The following MVK variants were observed in gnomAD, a reference collection of about 807,000 sequenced individuals.
The protein encoded by MVK is mevalonate kinase.
Under a neutral mutation model 43.2 loss-of-function variants are expected in MVK, and 34 were observed. The observed-to-expected ratio is 0.79, with a 90% CI of 0.60 to 1.05. MVK has a LOEUF of 1.05. Ranked by LOEUF, MVK falls within the 50% of genes least tolerant of loss-of-function variation. The pLI is 0.00. For synonymous variants in MVK, 190 were observed against 219.8 expected (o/e 0.86, Z 1.20); for missense variants, 395 against 504.0 (o/e 0.78, Z 2.07).
chr12:109,573,698 G>T, upstream of MVK: 1 of 635,460 alleles, frequency 1.6e-6, no homozygotes, highest in South Asian at 1.8e-5. Flanking sequence ...AACACCTATT[G>T]ACCAATGTTC....
rs747116992 is a variant in MVK, at chr12:109,581,472, C to G, written c.449C>G (p.Ser150Trp). The G allele has an allele frequency of 6.2e-7, 1 of 1,614,204 alleles. No individual in the cohort carries two copies. The highest frequency in any genetic ancestry group is 8.5e-7 in the Non-Finnish European group (1 of 1,180,026). The change falls in exon 5 of 11, where the codon TCG becomes TGG. Residue 150 changes from serine (S) to tryptophan (W), a missense_variant. Ser to Trp is a radical substitution (Grantham distance 177). Coordinates refer to ENST00000228510, the MANE Select transcript of MVK (RefSeq NM_000431.4). ...GAGLGSSAAY[S>W]VCLAAALLTV... ...GGCTTGGGCTCCAGCGCCGCCTACT[C>G]GGTGTGTCTGGCAGCAGCCCTCCTG... is the stretch of plus-strand genomic sequence containing the variant.
At chr12:109,581,247 T>C (rs868364331) in intron 4 of MVK, 148 bp from the exon 5 acceptor site, 12 of 957,388 alleles carry the variant, frequency 1.3e-5, no homozygotes, top group African/African-American at 6.4e-5. Context: ...TGATGTTCAA[T>C]AGGGATACAT....
intron 3 of MVK, 97 bp downstream of exon 3, chr12:109,576,242 C>A: frequency 6.6e-7 from 1 of 1,513,736 alleles, no homozygotes; most frequent in Non-Finnish European, 9.1e-7. Flanking sequence ...CAGGGGCCAG[C>A]TATTTCCCGG....
Position 109,595,124 on chromosome 12 carries a change from C to T in MVK, c.982C>T (p.His328Tyr), listed in dbSNP as rs1403617174. Residue 328 changes from histidine (H) to tyrosine (Y), a missense_variant, in exon 10 of 11, where the codon CAC becomes TAC. By Grantham distance (83) the His-to-Tyr change is moderately conservative. Coordinates refer to ENST00000228510, the MANE Select transcript of MVK (RefSeq NM_000431.4). The surrounding 1 kb of genome is among the most constrained non-coding windows in gnomAD (Gnocchi z 5.9). ...CCAGGTGACCAGGGCCCGCGGACTT[C>T]ACAGCAAGCTGACTGGCGCAGGCGG... ...LCQVTRARGL[H>Y]SKLTGAGGGG... 1 of 1,614,184 alleles carries T rather than the reference C, an allele frequency of 6.2e-7. No homozygotes were observed. The highest frequency in any genetic ancestry group is 2.2e-5 in the East Asian group (1 of 44,854).
chr12:109,596,984 G>C lies in MVK; in HGVS notation c.*407G>C. ...CCTTCTCTCTCCCTTTTCAGGGACC[G>C]CCCCCTGTCTCTCAGGGCCAGGCCT... On this transcript the variant is annotated 3_prime_UTR_variant, in exon 11 of 11. Coordinates refer to ENST00000228510, the MANE Select transcript of MVK (RefSeq NM_000431.4). 3.5e-6 allele frequency: 1 copy of C among 285,472 alleles called. No individual in the cohort carries two copies. Among genetic ancestry groups the C allele is most frequent in the South Asian group, 3.4e-5 (1 of 29,406 alleles). The allele number at this position is 285,472 out of a possible 1,614,324, so 17.7% of individuals were successfully genotyped here. A position where few individuals can be genotyped will look rare whatever the true frequency, so the allele number is the denominator to read the frequency against.
Position 109,595,589 on chromosome 12 carries a change from C to T in MVK, c.1039+408C>T, listed in dbSNP as rs770085782. On this transcript the variant is annotated intron_variant, in intron 10 of 10. Transcript: ENST00000228510. The surrounding 1 kb of genome is among the most constrained non-coding windows in gnomAD (Gnocchi z 5.9). ...CTACAAAACGAAAGGGTTTCCTTCC[C>T]GTTGGTTTGGGGAAAGAGGAAGACC... 1.2e-4 allele frequency among the ~76,000 whole-genome samples: 19 copies of T among 152,238 alleles called. 1 individual carries two copies. The highest frequency in any genetic ancestry group is 3.4e-3 in the Middle Eastern group (1 of 294).
intron 3 of MVK, among the ~76,000 whole-genome samples, chr12:109,577,489 T>C (rs1230707838): frequency 6.6e-6 from 1 of 152,224 alleles, no homozygotes; most frequent in East Asian, 1.9e-4. Context: ...CTCATTTCAC[T>C]TGTTGAGATG....
Position 109,576,046 on chromosome 12 carries a change from C to T in MVK, c.127C>T (p.Pro43Ser), listed in dbSNP as rs559928398. 1.2e-6 allele frequency: 2 copies of T among 1,614,178 alleles called. No individual in the cohort carries two copies. The highest frequency in any genetic ancestry group is 1.3e-5 in the African/African-American group (1 of 75,066). The change falls in exon 3 of 11, where the codon CCC becomes TCC. Residue 43 changes from proline to serine, a missense_variant. Physicochemically the swap from Pro to Ser is moderately conservative, Grantham distance 74 (BLOSUM62 -1). Transcript: ENST00000228510. ...LNLRTFLRLQ[P>S]HSNGKVDLSL... ...CTTGAGAACATTCCTCCGGCTTCAA[C>T]CCCACAGCAATGGGAAAGTGGACCT...
rs762282184 is a variant in MVK at position 109,581,416 on chromosome 12, C to T, written c.393C>T (p.Ile131=). Residue 131 remains isoleucine, a synonymous_variant, in exon 5 of 11, where the codon ATC becomes ATT. Coordinates refer to ENST00000228510, the MANE Select transcript of MVK (RefSeq NM_000431.4). ...RKQRALPSLD[I]VVWSELPPGA... is the part of the protein sequence containing the mutation. ...TCAGGGCCCTGCCGAGCCTGGATAT[C>T]GTAGTGTGGTCGGAGCTGCCCCCCG... The T allele has an allele frequency of 1.9e-6, 3 of 1,614,092 alleles. No individual in the cohort carries two copies. The highest frequency in any genetic ancestry group is 2.5e-6 in the Non-Finnish European group (3 of 1,180,016).
intron 7 of MVK, chr12:109,590,496 G>A (rs564316474): frequency 4.0e-6 from 2 of 501,372 alleles, no homozygotes; most frequent in African/African-American, 3.9e-5. Context: ...CCGGCCCCAA[G>A]GCCACGCTGT....
At position 109,596,551 on chromosome 12, in the gene MVK, G is replaced by A. The variant is rs1484435087; in HGVS notation, c.1165G>A (p.Val389Ile). ...IHSATSLDSRVQQALDGL is the reference protein window; with the variant it reads ...IHSATSLDSRIQQALDGL ...CTCAGCCACCTCCCTGGACAGCCGA[G>A]TCCAGCAAGCCCTGGATGGCCTCTG... Residue 389 changes from valine (V) to isoleucine (I), a missense_variant, in exon 11 of 11, where the codon GTC becomes ATC. Val to Ile is a conservative substitution (Grantham distance 29). Coordinates refer to ENST00000228510, the MANE Select transcript of MVK (RefSeq NM_000431.4). 1 of 1,611,394 alleles carries A rather than the reference G, an allele frequency of 6.2e-7. No homozygotes were observed. The highest frequency in any genetic ancestry group is 2.2e-5 in the East Asian group (1 of 44,886).
chr12:109,587,656 A>G (rs1269199181), intron 7 of MVK, among the ~76,000 whole-genome samples: 1 of 152,068 alleles, frequency 6.6e-6, no homozygotes, highest in Non-Finnish European at 1.5e-5. Context: ...GTCTTCATGG[A>G]TGAGTGGCAG....
At chr12:109,590,732 T>C in intron 7 of MVK, 39 bp from the exon 8 acceptor site, 1 of 1,591,362 alleles carries the variant, frequency 6.3e-7, no homozygotes, top group South Asian at 1.1e-5. Flanking sequence ...CTCCTCCATC[T>C]TGAGTTCAGT....
chr12:109,586,655 G>A (rs754833357), intron 6 of MVK, 99 bp from the exon 7 acceptor site: 8 of 1,351,540 alleles, frequency 5.9e-6, no homozygotes, highest in Non-Finnish European at 7.4e-6. Context: ...TTTCCTGAAT[G>A]GGGCAAAATG....
At position 109,579,847 on chromosome 12, in the gene MVK, T is replaced by G; in HGVS notation, c.272T>G (p.Leu91Arg). The change falls in exon 4 of 11, where the codon CTA (leucine) becomes CGA (arginine). Residue 91 changes from leucine (L) to arginine (R), a missense_variant. Transcript: ENST00000228510. ...CCCACCTCAGAGCAAGTGGAGAAGCTAAAGGAGGTTGCAGGCTTGCCTGAC... is the reference window on the plus strand; with the variant it reads ...CCCACCTCAGAGCAAGTGGAGAAGCGAAAGGAGGTTGCAGGCTTGCCTGAC... ...TTPTSEQVEKLKEVAGLPDDC... is the reference protein window; with the variant it reads ...TTPTSEQVEKRKEVAGLPDDC... 6.2e-7 allele frequency: 1 copy of G among 1,614,246 alleles called. No individual in the cohort carries two copies. The highest frequency in any genetic ancestry group is 1.1e-5 in the South Asian group (1 of 91,084).
At chr12:109,584,791 A>T (rs1402389074) in intron 5 of MVK, among the ~76,000 whole-genome samples, 1 of 152,204 alleles carries the variant, frequency 6.6e-6, no homozygotes, top group East Asian at 1.9e-4. Context: ...AGGCTGAGGT[A>T]GGAGAATCGC....
rs368066027 is a variant in MVK at position 109,596,502 on chromosome 12, C to T, written c.1116C>T (p.Ile372=). The T allele has an allele frequency of 1.7e-5, 27 of 1,613,172 alleles. No homozygotes were observed. Among genetic ancestry groups the T allele is most frequent in the Admixed American group, 8.3e-5 (5 of 60,016 alleles). The change falls in exon 11 of 11, where the codon ATC becomes ATT. Residue 372 remains isoleucine, a synonymous_variant. Transcript: ENST00000228510. Reference sequence around the variant, plus strand: ...GCTTTGACTGCTTGGAAACCAGCATCGGTGCCCCCGGCGTCTCCATCCACT... The same window carrying T: ...GCTTTGACTGCTTGGAAACCAGCATTGGTGCCCCCGGCGTCTCCATCCACT... ...SCGFDCLETS[I]GAPGVSIHSA... is the part of the protein sequence containing the mutation.
chr12:109,581,685 GC>G (rs1160064743), intron 5 of MVK, 135 bp downstream of exon 5: 1 of 1,304,414 alleles, frequency 7.7e-7, no homozygotes, highest in Non-Finnish European at 1.1e-6. Flanking sequence ...AGGAAGCTGA[GC>G]CCCGAGAGGT....
chr12:109,586,900 C>T (rs1885459326), intron 7 of MVK, 101 bp downstream of exon 7: 2 of 1,428,594 alleles, frequency 1.4e-6, no homozygotes, highest in South Asian at 2.3e-5. Flanking sequence ...GGCAGGTGTC[C>T]CTGGCTCTTC....
Sources: allele counts gnomAD v4.1 joint callset (sites outside exome capture counted in the v4.1 genomes callset), GRCh38; gene constraint gnomAD v4.1.1; non-coding constraint Gnocchi (gnomAD v3.1); transcripts MANE v1.5; gene names NCBI Gene and HGNC (gene_info 2026-07-23, HGNC 2026-07-21).